FAM13A: variants seen among roughly 807,000 people sequenced by gnomAD.
FAM13A encodes the protein family with sequence similarity 13 member A, also known as protein FAM13A.
A neutral mutation model predicts 129.6 loss-of-function variants in FAM13A; 76 were observed. That is an observed-to-expected ratio of 0.59 (90% CI 0.49 to 0.71). The LOEUF (loss-of-function observed/expected upper bound fraction) is 0.71. Ranked by LOEUF, FAM13A falls within the 30% of genes least tolerant of loss-of-function variation. The probability of loss-of-function intolerance (pLI) is 0.00; values close to 1 mark genes in which losing one functional copy is unlikely to be tolerated. For synonymous variants in FAM13A, 443 were observed against 449.9 expected (o/e 0.98, Z 0.20); for missense variants, 1,108 against 1,249.3 (o/e 0.89, Z 1.70).
chr4:88,749,742 C>T (rs531255491), intron 16 of FAM13A, 29 bp downstream of exon 16: 20 of 1,610,024 alleles, frequency 1.2e-5, no homozygotes, highest in South Asian at 8.8e-5. Context: ...GAGGATGAGG[C>T]GAAAAGAACA....
intron 5 of FAM13A, among the ~76,000 whole-genome samples, chr4:88,919,478 G>A (rs1245694332): frequency 2.0e-5 from 3 of 152,198 alleles, no homozygotes; most frequent in Non-Finnish European, 4.4e-5. Flanking sequence ...TGGATGTTTT[G>A]AGTAAATATA....
At chr4:88,870,782 C>T (rs758628138) in intron 6 of FAM13A, among the ~76,000 whole-genome samples, 32 of 152,156 alleles carry the variant, frequency 2.1e-4, no homozygotes, top group Admixed American at 3.3e-4. Context: ...TCTTCCAGCA[C>T]GGTGTTTGAG....
intron 4 of FAM13A, among the ~76,000 whole-genome samples, chr4:88,973,131 ATTT>A (rs70959640): frequency 7.4e-6 from 1 of 134,478 alleles, no homozygotes. Flanking sequence ...CCTAGGCATA[ATTT>A]TTTTTTTTTT....
intron 7 of FAM13A, among the ~76,000 whole-genome samples, chr4:88,833,312 C>A (rs1344598801): frequency 1.3e-5 from 2 of 152,044 alleles, no homozygotes; most frequent in Non-Finnish European, 2.9e-5. Context: ...CTGCAAACCA[C>A]CATGGCATAC....
intron 5 of FAM13A, chr4:88,936,934 C>A (rs1753949098): frequency 6.6e-6 from 1 of 151,950 alleles, no homozygotes; most frequent in Non-Finnish European, 1.5e-5. Flanking sequence ...TTCAAAGTAC[C>A]ATAGGCACTA....
At chr4:88,943,194 T>C (rs908660088) in intron 4 of FAM13A, among the ~76,000 whole-genome samples, 3 of 152,222 alleles carry the variant, frequency 2.0e-5, no homozygotes, top group Non-Finnish European at 4.4e-5. Context: ...TTCCCAAAAT[T>C]GAATTCAAAA....
chr4:88,731,686 AT>A, intron 22 of FAM13A: 1 of 522,528 alleles, frequency 1.9e-6, no homozygotes, highest in Non-Finnish European at 3.3e-6. Flanking sequence ...ACTTTGTCAT[AT>A]TTTTCTTTGA....
At chr4:89,036,021 G>T (rs1370183576) in intron 1 of FAM13A, among the ~76,000 whole-genome samples, 1 of 152,162 alleles carries the variant, frequency 6.6e-6, no homozygotes, top group Non-Finnish European at 1.5e-5. Flanking sequence ...AGCAAATGTG[G>T]TACCTAGGAG....
At chr4:88,733,223 GAT>G (rs1366011821) in intron 21 of FAM13A, among the ~76,000 whole-genome samples, 3 of 152,174 alleles carry the variant, frequency 2.0e-5, no homozygotes, top group Non-Finnish European at 2.9e-5. Context: ...GGTAAATTTT[GAT>G]ATGTTTAATA....
At chr4:89,005,661 G>C (rs778936224) in intron 3 of FAM13A, among the ~76,000 whole-genome samples, 1 of 152,160 alleles carries the variant, frequency 6.6e-6, no homozygotes, top group Non-Finnish European at 1.5e-5. Context: ...TTTCTCTAAT[G>C]ATCAGTGATG....
chr4:88,989,815 A>C (rs1762726574), intron 4 of FAM13A: 1 of 152,170 alleles, frequency 6.6e-6, no homozygotes, highest in Admixed American at 6.5e-5. Context: ...ATGCTTACTA[A>C]ATAAGCATTC....
At chr4:88,935,728 T>C (rs1753744274) in intron 5 of FAM13A, among the ~76,000 whole-genome samples, 1 of 152,220 alleles carries the variant, frequency 6.6e-6, no homozygotes, top group African/African-American at 2.4e-5. Context: ...TTCTAAGCAT[T>C]GTCAATGTTT....
Position 88,938,252 on chromosome 4 carries a change from G to C in FAM13A, c.606-11C>G, listed in dbSNP as rs758155314. On this transcript the variant is annotated splice_polypyrimidine_tract_variant and intron_variant, in intron 4 of 23. Transcript: ENST00000264344. ...AGCCCAGGTGGCACACTAGAAACAA[G>C]AAAGGGAAAGAGAGGAATTACTTAG... The C allele has an allele frequency of 1.3e-6, 2 of 1,592,868 alleles. No individual in the cohort carries two copies. The highest frequency in any genetic ancestry group is 1.7e-6 in the Non-Finnish European group (2 of 1,172,154).
chr4:88,858,685 C>T (rs1578989683), intron 6 of FAM13A, among the ~76,000 whole-genome samples: 1 of 152,142 alleles, frequency 6.6e-6, no homozygotes, highest in Admixed American at 6.6e-5. Flanking sequence ...ATGTCTAGAA[C>T]ACGCAAATCC....
At chr4:88,855,549 C>A (rs1415291545) in intron 6 of FAM13A, 1 of 151,902 alleles carries the variant, frequency 6.6e-6, no homozygotes, top group African/African-American at 2.4e-5. Flanking sequence ...AATAAAAAAG[C>A]AAAAGGAGGT....
In FAM13A at chr4:88,903,046, G is replaced by T. The variant is rs530266195; in HGVS notation, c.843+3333C>A. On this transcript the variant is annotated intron_variant, in intron 6 of 23. Transcript: ENST00000264344. ...AAATTGCTAGAAATACAGCTAACAAGGGAAGTAAAGGACCTCTTCAAGGGG... is the reference window on the plus strand; with the variant it reads ...AAATTGCTAGAAATACAGCTAACAATGGAAGTAAAGGACCTCTTCAAGGGG... Among the ~76,000 whole-genome samples, 7 of 152,242 alleles carry T rather than the reference G, an allele frequency of 4.6e-5. No individual in the cohort carries two copies. The South Asian group carries it at 1.5e-3, about 32-fold the overall frequency.
At chr4:88,852,883 AC>A (rs1339818196) in intron 6 of FAM13A, among the ~76,000 whole-genome samples, 1 of 152,214 alleles carries the variant, frequency 6.6e-6, no homozygotes, top group Admixed American at 6.5e-5. Context: ...TTATATAAAA[AC>A]AATATATGAA....
At chr4:88,780,051 AGT>A (rs1560970404) in intron 11 of FAM13A, among the ~76,000 whole-genome samples, 1 of 152,192 alleles carries the variant, frequency 6.6e-6, no homozygotes, top group Admixed American at 6.6e-5. Context: ...GTTAAAAAAT[AGT>A]GTGTCATGAT....
intron 2 of FAM13A, among the ~76,000 whole-genome samples, chr4:89,029,080 C>A (rs1768361505): frequency 1.3e-5 from 2 of 152,034 alleles, no homozygotes; most frequent in South Asian, 4.2e-4. Context: ...TCATGATTGA[C>A]CTCAGGTAAA....
Sources: gnomAD v4.1 joint callset for allele counts (sites outside exome capture counted in the v4.1 genomes callset) on GRCh38, gnomAD v4.1.1 for gene constraint, MANE v1.5 for transcripts, NCBI Gene and HGNC (gene_info 2026-07-23, HGNC 2026-07-21) for gene names.